The following PTPRN2 variants were observed in gnomAD, a reference collection of about 807,000 sequenced individuals.
PTPRN2 encodes protein tyrosine phosphatase receptor type N2.
In PTPRN2, 74 loss-of-function variants were observed where a neutral mutation model predicts 118.8. That is an observed-to-expected ratio of 0.62 (90% CI 0.52 to 0.76). PTPRN2 has a LOEUF of 0.76. Ranked by LOEUF, PTPRN2 falls within the 30% of genes least tolerant of loss-of-function variation. The pLI is 0.00. For missense variants in PTPRN2, 1,481 were observed against 1,394.4 expected (o/e 1.06, Z -0.99); for synonymous variants, 641 against 608.0 (o/e 1.05, Z -0.80).
At chr7:158,151,523 G>A (rs953208724) in intron 6 of PTPRN2, among the ~76,000 whole-genome samples, 2 of 28,518 alleles carry the variant, frequency 7.0e-5, no homozygotes, top group African/African-American at 2.2e-4. Context: ...CTCACCGCAC[G>A]TCCTACTCCA....
chr7:158,210,951 T>G (rs1827548126), intron 3 of PTPRN2, among the ~76,000 whole-genome samples: 1 of 152,130 alleles, frequency 6.6e-6, no homozygotes, highest in African/African-American at 2.4e-5. Context: ...CCAAATTCAT[T>G]CCATTAAGCC....
At chr7:157,790,020 A>ATGTGTGTGG (rs746038879) in intron 12 of PTPRN2, among the ~76,000 whole-genome samples, 90,154 of 102,344 alleles carry the variant, frequency 0.88, 39,809 homozygotes, top group East Asian at 0.99. Context: ...TGTGGTGTGA[A>ATGTGTGTGG]TGTGTGTGTG....
At chr7:157,865,361 C>T (rs140034259) in intron 12 of PTPRN2, 84 of 152,360 alleles carry the variant, frequency 5.5e-4, no homozygotes, top group African/African-American at 1.9e-3. Flanking sequence ...TGATCTGCTA[C>T]CTGAGTTTGA....
At position 158,587,631 on chromosome 7, in the gene PTPRN2, C is replaced by A; in HGVS notation, c.39G>T (p.Leu13=). 7.3e-7 allele frequency: 1 copy of A among 1,367,984 alleles called. No homozygotes were observed. The highest frequency in any genetic ancestry group is 9.4e-7 in the Non-Finnish European group (1 of 1,063,968). 84.7% of individuals were successfully genotyped at this position (1,367,984 alleles called of 1,614,324 possible). The change falls in exon 1 of 23, where the codon CTG becomes CTT. Residue 13 remains leucine (L), a synonymous_variant. Coordinates refer to ENST00000389418, the MANE Select transcript of PTPRN2 (RefSeq NM_002847.5). ...CAGGCAGGACGCGTGGCGGCAGCAG[C>A]AGCAGTAGCAGCAGCAGCAGCGGGA... The part of the protein sequence containing the change: ...PPLPLLLLLL[L]LLPPRVLPAA...
chr7:157,563,241 C>T (rs576309935), intron 21 of PTPRN2, among the ~76,000 whole-genome samples: 41 of 139,956 alleles, frequency 2.9e-4, no homozygotes, highest in African/African-American at 9.1e-4. Flanking sequence ...CGTGCTCCCG[C>T]GTCACCACAC....
chr7:157,607,455 C>T (rs1004121072), intron 15 of PTPRN2, among the ~76,000 whole-genome samples: 2 of 152,250 alleles, frequency 1.3e-5, no homozygotes, highest in East Asian at 1.9e-4. Context: ...AACTGCGGAC[C>T]GTTCTTACGT....
chr7:158,157,259 G>A (rs1335160256), intron 6 of PTPRN2, among the ~76,000 whole-genome samples: 1 of 152,280 alleles, frequency 6.6e-6, no homozygotes, highest in East Asian at 1.9e-4. Context: ...GGGTTGGGCA[G>A]TGACAGTGAG....
chr7:158,260,037 TTG>T (rs1217514136), intron 3 of PTPRN2, among the ~76,000 whole-genome samples: 1 of 141,814 alleles, frequency 7.1e-6, no homozygotes, highest in Non-Finnish European at 1.6e-5. Context: ...GTATGTGCGT[TTG>T]TGTGTACATG....
At chr7:158,217,261 T>C (rs1240697951) in intron 3 of PTPRN2, among the ~76,000 whole-genome samples, 1 of 152,094 alleles carries the variant, frequency 6.6e-6, no homozygotes, top group East Asian at 1.9e-4. Context: ...GTGAAGCTGG[T>C]ACTAAAGCTC....
chr7:158,569,778 C>T (rs1392553879), intron 1 of PTPRN2, among the ~76,000 whole-genome samples: 2 of 124,960 alleles, frequency 1.6e-5, no homozygotes, highest in Admixed American at 1.6e-4. Flanking sequence ...GAACGCGGGG[C>T]GCGAGGCCGC....
chr7:157,829,258 C>T (rs539413209), intron 12 of PTPRN2, among the ~76,000 whole-genome samples: 6 of 152,324 alleles, frequency 3.9e-5, no homozygotes, highest in East Asian at 1.9e-4. Context: ...GCAAGGGTCC[C>T]GTCTTGCTGC....
At chr7:158,368,973 G>A (rs10252622) in intron 2 of PTPRN2, among the ~76,000 whole-genome samples, 148,341 of 152,142 alleles carry the variant, frequency 0.98, 72,331 homozygotes, top group East Asian at 1. Flanking sequence ...TTCACATTTG[G>A]GTCAGTGGAC....
At chr7:157,920,052 T>C (rs1400782786) in intron 11 of PTPRN2, among the ~76,000 whole-genome samples, 3 of 152,148 alleles carry the variant, frequency 2.0e-5, no homozygotes, top group African/African-American at 4.8e-5. Context: ...GGCTGTAGCA[T>C]CTACAGGTTT....
Position 157,585,476 on chromosome 7 carries a change from A to G in PTPRN2, c.2497-7336T>C, listed in dbSNP as rs1256530736. On this transcript the variant is annotated intron_variant, in intron 17 of 22. Transcript: ENST00000389418. The surrounding 1 kb of genome is among the most constrained non-coding windows in gnomAD (Gnocchi z 5.2). ...ATAGGGGTTCCCACGGTGGGAATGC[A>G]CTCACACACTGGACTTCCTCTCCAC... Among the ~76,000 whole-genome samples the G allele has an allele frequency of 2.0e-5, 3 of 152,022 alleles. No individual in the cohort carries two copies. Among genetic ancestry groups the G allele is most frequent in the African/African-American group, 4.8e-5 (2 of 41,398 alleles).
chr7:157,659,796 G>A (rs117751369), intron 13 of PTPRN2, among the ~76,000 whole-genome samples: 5,087 of 152,094 alleles, frequency 0.033, 127 homozygotes, highest in Non-Finnish European at 0.054. Flanking sequence ...CCAGGCTGGA[G>A]TGGAGAGGCA....
intron 9 of PTPRN2, among the ~76,000 whole-genome samples, chr7:158,133,368 C>A (rs1008864804): frequency 6.6e-6 from 1 of 152,130 alleles, no homozygotes; most frequent in Non-Finnish European, 1.5e-5. Flanking sequence ...CGCAGAGAGG[C>A]GCGGCCTGCA....
At chr7:158,230,501 A>T (rs1430085247) in intron 3 of PTPRN2, among the ~76,000 whole-genome samples, 1 of 152,186 alleles carries the variant, frequency 6.6e-6, no homozygotes, top group Non-Finnish European at 1.5e-5. Flanking sequence ...AGACAATAGG[A>T]AGTCAAAGTG....
intron 12 of PTPRN2, among the ~76,000 whole-genome samples, chr7:157,897,080 G>T (rs564013406): frequency 6.6e-6 from 1 of 152,212 alleles, no homozygotes; most frequent in South Asian, 2.1e-4. Flanking sequence ...CTCTGACCAG[G>T]TTACAGAGAT....
intron 2 of PTPRN2, 52 bp downstream of exon 2, chr7:158,489,683 G>A: frequency 6.6e-7 from 1 of 1,524,902 alleles, no homozygotes; most frequent in Non-Finnish European, 8.8e-7. Flanking sequence ...GCTGCGCACG[G>A]CGGGCAGGAG....
Sources: allele counts gnomAD v4.1 joint callset (sites outside exome capture counted in the v4.1 genomes callset), GRCh38; gene constraint gnomAD v4.1.1; non-coding constraint Gnocchi (gnomAD v3.1); transcripts MANE v1.5; gene names NCBI Gene and HGNC (gene_info 2026-07-23, HGNC 2026-07-21).